PRAMEF19: variants seen among roughly 807,000 people sequenced by gnomAD.
The protein encoded by PRAMEF19 is PRAME family member-like.
PRAMEF19 carries 21 observed loss-of-function variants against 33.1 expected under a neutral mutation model. The ratio of observed to expected loss-of-function variants is 0.63; its 90% CI spans 0.45 to 0.91. PRAMEF19 has a LOEUF of 0.91. PRAMEF19 is among the 40% of genes least tolerant of loss of function. The pLI is 0.00. For missense variants in PRAMEF19, 481 were observed against 585.2 expected, an observed-to-expected ratio of 0.82 and a Z score of 1.84; for synonymous variants, 179 against 229.3, an observed-to-expected ratio of 0.78 and a Z score of 1.98.
exon 3 of PRAMEF19, chr1:13,369,123 T>C (rs1204812535): frequency 1.2e-6 from 2 of 1,611,874 alleles, no homozygotes; most frequent in Non-Finnish European, 1.7e-6. Flanking sequence ...GTGGGTGACA[T>C]GCCACAGCAA....
exon 2 of PRAMEF19, chr1:13,370,929 T>G (rs1640663792): frequency 6.2e-7 from 1 of 1,613,740 alleles, no homozygotes. Flanking sequence ...AATATGTTTC[T>G]GAAATTTAGA....
downstream of PRAMEF19, chr1:13,368,991 A>G: frequency 6.4e-7 from 1 of 1,567,858 alleles, no homozygotes. Context: ...AAGGAAAAAG[A>G]AAAATAAAAG....
intron 2 of PRAMEF19, 146 bp from the exon 3 acceptor site, chr1:13,369,786 A>G (rs1640649466): frequency 8.8e-7 from 1 of 1,132,060 alleles, no homozygotes; most frequent in Non-Finnish European, 1.3e-6. Flanking sequence ...GTGCTGCCTG[A>G]TGAGGACTTG....
chr1:13,369,601 A>G (rs1463204768), exon 3 of PRAMEF19: 99 of 1,613,880 alleles, frequency 6.1e-5, no homozygotes, highest in Admixed American at 6.7e-5. Flanking sequence ...CTAGGGAGCC[A>G]TAAGTTAATG....
chr1:13,369,705 C>G (rs1452262370), intron 2 of PRAMEF19, 65 bp from the exon 3 acceptor site: 6 of 1,604,264 alleles, frequency 3.7e-6, no homozygotes, highest in Non-Finnish European at 5.1e-6. Flanking sequence ...TAGAAAATAA[C>G]GTCAAGGGAA....
At chr1:13,369,128 C>T in exon 3 of PRAMEF19, 1 of 1,612,010 alleles carries the variant, frequency 6.2e-7, no homozygotes, top group Non-Finnish European at 8.5e-7. Context: ...TGACATGCCA[C>T]AGCAAGGGCA....
At position 13,369,712 on chromosome 1, in the gene PRAMEF19, G is replaced by A; in HGVS notation, c.867-72C>T. On this transcript the variant is annotated intron_variant, in intron 2 of 2. Coordinates refer to ENST00000376101, the Ensembl canonical transcript of PRAMEF19. ...GACGGTGGTAGAAAATAACGTCAAG[G>A]GAAGAGCCTGTTTTGCCCAAACACA... 21 of 1,598,598 alleles carry A rather than the reference G, an allele frequency of 1.3e-5. No individual in the cohort carries two copies. The South Asian group carries it at 2.3e-4, about 18-fold the overall frequency.
exon 2 of PRAMEF19, chr1:13,370,753 C>G: frequency 3.1e-6 from 5 of 1,613,954 alleles, no homozygotes; most frequent in Non-Finnish European, 3.4e-6. Flanking sequence ...CAGCAACTAA[C>G]TGTCCTTGGC....
chr1:13,371,608 C>A lies in PRAMEF19; in HGVS notation c.287+6G>T. The stretch of plus-strand genomic sequence containing the variant: ...ACCTGGGCCCTCCCCACCTGGGTCA[C>A]CTCACCTGGGGCGAACCTTTTGGGC... On this transcript the variant is annotated splice_donor_region_variant and intron_variant, in intron 1 of 2. Coordinates refer to ENST00000376101, the Ensembl canonical transcript of PRAMEF19. 1 of 1,610,944 alleles carries A rather than the reference C, an allele frequency of 6.2e-7. No individual in the cohort carries two copies. The highest frequency in any genetic ancestry group is 1.7e-5 in the Admixed American group (1 of 59,908).
rs751708563 is a variant in PRAMEF19, at chr1:13,369,469, T to A, written c.1038A>T (p.Lys346Asn). The change falls in exon 3 of 3, where the codon AAA becomes AAT. Residue 346 changes from lysine to asparagine, a missense_variant. Lys to Asn is a moderately conservative substitution (Grantham distance 94). Coordinates refer to ENST00000376101, the Ensembl canonical transcript of PRAMEF19. ...AGAGGGTCTGAAGAGTGGCAGCAACTTTCTCTAGCAGAGCTCGGAGGGGCT... is the reference window on the plus strand; with the variant it reads ...AGAGGGTCTGAAGAGTGGCAGCAACATTCTCTAGCAGAGCTCGGAGGGGCT... The A allele has an allele frequency of 1.9e-6, 3 of 1,613,944 alleles. No homozygotes were observed. The Admixed American group carries it at 5.0e-5, about 27-fold the overall frequency.
chr1:13,370,673 T>C, exon 2 of PRAMEF19: 3 of 1,613,930 alleles, frequency 1.9e-6, no homozygotes, highest in African/African-American at 1.3e-5. Flanking sequence ...CAGGTAGCCT[T>C]CGAAGAAGCG....
chr1:13,369,294 T>C, exon 3 of PRAMEF19: 1 of 1,612,022 alleles, frequency 6.2e-7, no homozygotes, highest in Non-Finnish European at 8.5e-7. Context: ...CTCAAATTGC[T>C]CAGCCTGCCT....
chr1:13,369,146 G>A, exon 3 of PRAMEF19: 19 of 1,611,918 alleles, frequency 1.2e-5, no homozygotes, highest in Non-Finnish European at 1.5e-5. Flanking sequence ...GCAGGAGACG[G>A]GACCAAAGAA....
chr1:13,370,956 T>C lies in PRAMEF19; in HGVS notation c.559A>G (p.Asn187Asp), dbSNP rs1435395575. ...AAATTTAGAATGTTCATTGAATAAT[T>C]TACCACCTTAGTACAGCACAGGTGT... The change falls in exon 2 of 3, where the codon AAT becomes GAT. Residue 187 changes from asparagine (N) to aspartate (D), a missense_variant. Coordinates refer to ENST00000376101, the Ensembl canonical transcript of PRAMEF19. 31 of 1,612,944 alleles carry C rather than the reference T, an allele frequency of 1.9e-5. No homozygotes were observed. The African/African-American group carries it at 3.6e-4, about 19-fold the overall frequency.
At chr1:13,370,586 G>A (rs1640657588) in intron 2 of PRAMEF19, 63 bp downstream of exon 2, 1 of 1,601,474 alleles carries the variant, frequency 6.2e-7, no homozygotes, top group Non-Finnish European at 8.5e-7. Context: ...GCTGACTAGT[G>A]TTTACTGTAA....
exon 2 of PRAMEF19, chr1:13,370,748 A>G: frequency 6.2e-7 from 1 of 1,613,972 alleles, no homozygotes; most frequent in Non-Finnish European, 8.5e-7. Flanking sequence ...GAATTCAGCA[A>G]CTAACTGTCC....
At chr1:13,369,347 T>C (rs1640641159) in exon 3 of PRAMEF19, 1 of 1,612,100 alleles carries the variant, frequency 6.2e-7, no homozygotes, top group Non-Finnish European at 8.5e-7. Context: ...GGACGTGTCA[T>C]TGCCGTGAAA....
At chr1:13,370,838 C>T (rs1391863549) in exon 2 of PRAMEF19, 29 of 1,613,862 alleles carry the variant, frequency 1.8e-5, no homozygotes, top group African/African-American at 6.7e-5. Context: ...GCTCAGGTAA[C>T]GGCTAACCTC....
intron 2 of PRAMEF19, 40 bp from the exon 3 acceptor site, chr1:13,369,680 G>A: frequency 6.2e-7 from 1 of 1,612,422 alleles, no homozygotes; most frequent in Non-Finnish European, 8.5e-7. Flanking sequence ...AATGGCACCA[G>A]TTAGAGGACG....
Sources: gnomAD v4.1 joint callset for allele counts on GRCh38, gnomAD v4.1.1 for gene constraint, MANE v1.5 for transcripts, NCBI Gene and HGNC (gene_info 2026-07-23, HGNC 2026-07-21) for gene names.